The following GMDS variants were observed in gnomAD, a reference collection of about 807,000 sequenced individuals.
GMDS encodes the protein GDP-mannose 4,6 dehydratase.
A neutral mutation model predicts 49.9 loss-of-function variants in GMDS; 20 were observed. The ratio of observed to expected loss-of-function variants is 0.40; its 90% CI spans 0.28 to 0.58. GMDS has a LOEUF of 0.58. GMDS is among the 20% of genes least tolerant of loss of function. The pLI is 0.42. For synonymous variants in GMDS, 177 were observed against 178.6 expected (o/e 0.99, Z 0.07); for missense variants, 362 against 481.4 (o/e 0.75, Z 2.32).
chr6:1,865,235 C>A (rs1758389879), intron 7 of GMDS, among the ~76,000 whole-genome samples: 1 of 152,250 alleles, frequency 6.6e-6, no homozygotes, highest in East Asian at 1.9e-4. Context: ...ATTATAGAAC[C>A]TTGTATTTCC....
At chr6:2,063,652 A>ATTT (rs1771330731) in intron 4 of GMDS, among the ~76,000 whole-genome samples, 1 of 152,244 alleles carries the variant, frequency 6.6e-6, no homozygotes, top group Non-Finnish European at 1.5e-5. Context: ...AAACTCAATA[A>ATTT]AAGAGGTGAA....
chr6:2,002,571 T>C (rs1206895792), intron 4 of GMDS, among the ~76,000 whole-genome samples: 6 of 152,228 alleles, frequency 3.9e-5, no homozygotes, highest in Admixed American at 6.5e-5. Flanking sequence ...GAAAATATGC[T>C]TCTATGAAAT....
chr6:1,738,190 C>A (rs1767123744), intron 8 of GMDS, among the ~76,000 whole-genome samples: 1 of 151,718 alleles, frequency 6.6e-6, no homozygotes, highest in South Asian at 2.1e-4. Flanking sequence ...CACATATACA[C>A]ACATACACAC....
At position 1,668,721 on chromosome 6, in the gene GMDS, C is replaced by CA. The variant is rs1314268206; in HGVS notation, c.988-44182dup. On this transcript the variant is annotated intron_variant, in intron 9 of 10. Transcript: ENST00000380815. Reference sequence around the variant, plus strand: ...GACTCTGTCTAAACAAACAAACAAACAAACAAAAAAAACCACTGGGAATAA... The same window carrying CA: ...GACTCTGTCTAAACAAACAAACAAACAAAACAAAAAAAACCACTGGGAATAA... 2.4e-3 allele frequency among the ~76,000 whole-genome samples: 334 copies of CA among 141,414 alleles called. 2 individuals are homozygous for CA. The highest frequency in any genetic ancestry group is 8.2e-3 in the African/African-American group (321 of 39,336). The allele number at this position is 141,414 out of a possible 152,430, so 92.8% of individuals were successfully genotyped here. A position where few individuals can be genotyped will look rare whatever the true frequency, so the allele number is the denominator to read the frequency against.
chr6:2,121,184 T>C (rs1225162493), intron 2 of GMDS, among the ~76,000 whole-genome samples: 1 of 152,316 alleles, frequency 6.6e-6, no homozygotes, highest in East Asian at 1.9e-4. Context: ...CACAGCGAGC[T>C]AACCACTTTG....
chr6:1,667,228 AC>A (rs1007362779), intron 9 of GMDS, among the ~76,000 whole-genome samples: 2 of 152,324 alleles, frequency 1.3e-5, no homozygotes, highest in East Asian at 3.9e-4. Flanking sequence ...TCTATCTAGA[AC>A]CATAACTCAA....
rs1379581841 is a variant in GMDS, at chr6:2,152,989, G to A, written c.103-28258C>T. ...CAGCTACTTGGGAAGCTGAGGCAGG[G>A]GCATCGCTTGAACCCAGTAGGCGGA... is the stretch of plus-strand genomic sequence containing the variant. On this transcript the variant is annotated intron_variant, in intron 1 of 10. Transcript: ENST00000380815. Among the ~76,000 whole-genome samples, 3 of 151,928 alleles carry A rather than the reference G, an allele frequency of 2.0e-5. No individual in the cohort carries two copies. In the East Asian group the frequency reaches 5.8e-4, roughly 29 times the overall value.
intron 6 of GMDS, chr6:1,952,022 C>T: frequency 1.0e-6 from 1 of 973,702 alleles, no homozygotes; most frequent in Non-Finnish European, 1.2e-6. Context: ...CAAATATGTA[C>T]AATATTTACA....
At chr6:2,133,194 CTT>C (rs1190386608) in intron 1 of GMDS, among the ~76,000 whole-genome samples, 2 of 152,020 alleles carry the variant, frequency 1.3e-5, no homozygotes, top group Non-Finnish European at 2.9e-5. Flanking sequence ...TAATGAAAAA[CTT>C]TAAATTTGGA....
At chr6:1,838,048 A>G (rs1757004011) in intron 7 of GMDS, among the ~76,000 whole-genome samples, 2 of 152,198 alleles carry the variant, frequency 1.3e-5, no homozygotes, top group Admixed American at 1.3e-4. Flanking sequence ...ATTTTATGCT[A>G]TTGGTGCAAA....
intron 7 of GMDS, among the ~76,000 whole-genome samples, chr6:1,828,448 C>T (rs1400065435): frequency 6.6e-6 from 1 of 152,016 alleles, no homozygotes; most frequent in Non-Finnish European, 1.5e-5. Context: ...AAGAAGCTCA[C>T]CAAACAAGTA....
intron 1 of GMDS, among the ~76,000 whole-genome samples, chr6:2,146,974 G>C (rs1581711880): frequency 6.6e-6 from 1 of 152,230 alleles, no homozygotes. Flanking sequence ...TTGGTAGAAA[G>C]AACGGTGCAT....
chr6:1,972,064 C>T (rs1248004895), intron 4 of GMDS, among the ~76,000 whole-genome samples: 4 of 152,120 alleles, frequency 2.6e-5, no homozygotes, highest in South Asian at 4.1e-4. Context: ...TTCTGCACCC[C>T]GCACCCTGAC....
At chr6:2,139,692 C>A (rs1447977190) in intron 1 of GMDS, among the ~76,000 whole-genome samples, 1 of 152,204 alleles carries the variant, frequency 6.6e-6, no homozygotes, top group Non-Finnish European at 1.5e-5. Context: ...AACTGGGGAA[C>A]TGGGATTTCA....
intron 6 of GMDS, among the ~76,000 whole-genome samples, chr6:1,940,527 G>A (rs1194758617): frequency 6.6e-6 from 1 of 152,192 alleles, no homozygotes; most frequent in Non-Finnish European, 1.5e-5. Context: ...GAAGGTCATG[G>A]CTGACTGAGC....
At chr6:2,229,583 A>C (rs1361764233) in intron 1 of GMDS, among the ~76,000 whole-genome samples, 1 of 152,048 alleles carries the variant, frequency 6.6e-6, no homozygotes, top group Middle Eastern at 3.2e-3. Flanking sequence ...GACAAAAAAA[A>C]AGTAAATTTG....
At chr6:2,047,841 AT>A (rs1270881905) in intron 4 of GMDS, among the ~76,000 whole-genome samples, 3 of 152,136 alleles carry the variant, frequency 2.0e-5, no homozygotes, top group African/African-American at 4.8e-5. Flanking sequence ...CATATTAAAT[AT>A]TTTTTTAAAT....
chr6:2,169,130 C>G (rs760317421), intron 1 of GMDS, among the ~76,000 whole-genome samples: 20 of 152,136 alleles, frequency 1.3e-4, no homozygotes, highest in Middle Eastern at 3.4e-3. Context: ...TCTAGGATAA[C>G]CTTAAACATC....
chr6:2,015,489 T>C (rs1767833708), intron 4 of GMDS, among the ~76,000 whole-genome samples: 1 of 152,174 alleles, frequency 6.6e-6, no homozygotes. Flanking sequence ...TATCAAAATG[T>C]GTGGGGTGCA....
Sources: allele counts gnomAD v4.1 joint callset (sites outside exome capture counted in the v4.1 genomes callset), GRCh38; gene constraint gnomAD v4.1.1; transcripts MANE v1.5; gene names NCBI Gene and HGNC (gene_info 2026-07-23, HGNC 2026-07-21).